Variants in LEMD2 observed in about 807,000 individuals in gnomAD.
The protein encoded by LEMD2 is LEM domain-containing protein 2.
A neutral mutation model predicts 58.8 loss-of-function variants in LEMD2; 34 were observed. That is an observed-to-expected ratio of 0.58 (90% CI 0.44 to 0.77). The LOEUF (loss-of-function observed/expected upper bound fraction) is 0.77, where lower values mean the gene tolerates loss of function less well. LEMD2 is among the 30% of genes least tolerant of loss of function. The pLI is 0.00. For synonymous variants in LEMD2, 298 were observed against 308.9 expected (o/e 0.96, Z 0.37); for missense variants, 629 against 717.9 (o/e 0.88, Z 1.42).
intron 3 of LEMD2, among the ~76,000 whole-genome samples, chr6:33,783,081 A>G (rs974098318): frequency 1.3e-5 from 2 of 152,230 alleles, no homozygotes; most frequent in African/African-American, 2.4e-5. Flanking sequence ...ACTCTGATTC[A>G]CTGGGTTTGG....
chr6:33,776,677 C>A, intron 8 of LEMD2: 2 of 468,342 alleles, frequency 4.3e-6, no homozygotes, highest in South Asian at 4.6e-5. Flanking sequence ...GCTGCTATTA[C>A]TTGGAGCCCA....
chr6:33,783,481 G>C (rs1767609141), intron 3 of LEMD2, among the ~76,000 whole-genome samples: 1 of 152,194 alleles, frequency 6.6e-6, no homozygotes, highest in Non-Finnish European at 1.5e-5. Flanking sequence ...ACAGGTAAGA[G>C]GCGCCTCTTG....
At position 33,772,473 on chromosome 6, in the gene LEMD2, T is replaced by A. The variant is rs1299405825; in HGVS notation, c.*155A>T. The A allele has an allele frequency of 8.6e-6, 6 of 699,962 alleles. No individual in the cohort carries two copies. Among genetic ancestry groups the A allele is most frequent in the Non-Finnish European group, 1.4e-5 (6 of 425,422 alleles). The allele number at this position is 699,962 out of a possible 1,614,324, so 43.4% of individuals were successfully genotyped here. A position where few individuals can be genotyped will look rare whatever the true frequency, so the allele number is the denominator to read the frequency against. On this transcript the variant is annotated 3_prime_UTR_variant, in exon 9 of 9. Coordinates refer to ENST00000293760, the MANE Select transcript of LEMD2 (RefSeq NM_181336.4). ...CACATTTTCCTGCGAGCCGAACTCCTCTGAAGAGTATGGCAGACCTTTGGA... is the reference window on the plus strand; with the variant it reads ...CACATTTTCCTGCGAGCCGAACTCCACTGAAGAGTATGGCAGACCTTTGGA...
In LEMD2 at chr6:33,788,981, C is replaced by T; in HGVS notation, c.136G>A (p.Asp46Asn). 1 of 1,542,964 alleles carries T rather than the reference C, an allele frequency of 6.5e-7. No individual in the cohort carries two copies. Among genetic ancestry groups the T allele is most frequent in the Non-Finnish European group, 8.7e-7 (1 of 1,152,674 alleles). The change falls in exon 1 of 9, where the codon GAC becomes AAC. Residue 46 changes from aspartate to asparagine, a missense_variant. Physicochemically the swap from Asp to Asn is conservative, Grantham distance 23. Around this residue, in one of 2 missense-constraint regions of LEMD2, gnomAD observed 386 missense variants for 381.1 expected, o/e 1.01. Coordinates refer to ENST00000293760, the MANE Select transcript of LEMD2 (RefSeq NM_181336.4). ...GCCTCCTCCCGCAGCCGCTCCTCGT[C>T]GCGCAGCCGGGCCTCGCCCCGCAGG... ...RRLRGEARLR[D>N]EERLREEARP...
intron 8 of LEMD2, among the ~76,000 whole-genome samples, chr6:33,775,007 C>T (rs563379021): frequency 2.0e-5 from 3 of 151,550 alleles, no homozygotes; most frequent in Admixed American, 6.6e-5. Context: ...ATAGTCTCTT[C>T]GTCACAGCCC....
chr6:33,776,831 G>T, intron 8 of LEMD2, 123 bp downstream of exon 8: 2 of 747,978 alleles, frequency 2.7e-6, no homozygotes, highest in Non-Finnish European at 2.3e-6. Flanking sequence ...AGCCACTCTT[G>T]GCCCTGGGGT....
chr6:33,781,001 C>A (rs933068362), intron 4 of LEMD2, 76 bp downstream of exon 4: 2 of 1,016,854 alleles, frequency 2.0e-6, no homozygotes, highest in Non-Finnish European at 1.5e-6. Context: ...AAAACAAAAA[C>A]CCCAACAGGG....
intron 6 of LEMD2, among the ~76,000 whole-genome samples, chr6:33,777,516 T>G (rs1353929024): frequency 1.3e-5 from 2 of 152,224 alleles, no homozygotes; most frequent in African/African-American, 4.8e-5. Context: ...TTCTGGGGCT[T>G]TCATCTCCTC....
At chr6:33,784,946 C>T (rs75874733) in intron 2 of LEMD2, among the ~76,000 whole-genome samples, 4,256 of 152,176 alleles carry the variant, frequency 0.028, 69 homozygotes, top group South Asian at 0.066. Context: ...GGATTCAGTG[C>T]GAACTCACAC....
At chr6:33,777,623 G>A (rs1483685203) in intron 6 of LEMD2, among the ~76,000 whole-genome samples, 2 of 152,168 alleles carry the variant, frequency 1.3e-5, no homozygotes, top group African/African-American at 4.8e-5. Flanking sequence ...TGTGCCTGAT[G>A]GCACAGGGGA....
At position 33,772,599 on chromosome 6, in the gene LEMD2, C is replaced by A. The variant is rs181417260; in HGVS notation, c.*29G>T. ...CTGGAGTGGGCTGTCCTGGGACAGG[C>A]TGACCGGGAACAAGTCCCCGCCCGG... On this transcript the variant is annotated 3_prime_UTR_variant, in exon 9 of 9. Coordinates refer to ENST00000293760, the MANE Select transcript of LEMD2 (RefSeq NM_181336.4). 5.3e-4 allele frequency: 846 copies of A among 1,602,428 alleles called. 6 individuals carry two copies. In the African/African-American group the frequency reaches 6.3e-3, roughly 12 times the overall value.
chr6:33,780,843 C>T (rs905671228), intron 4 of LEMD2, among the ~76,000 whole-genome samples: 2 of 152,230 alleles, frequency 1.3e-5, no homozygotes, highest in Admixed American at 1.3e-4. Flanking sequence ...GTGCAGCAGT[C>T]AGGAGTGAGC....
intron 8 of LEMD2, among the ~76,000 whole-genome samples, chr6:33,773,344 C>T (rs1413660749): frequency 6.6e-6 from 1 of 152,084 alleles, no homozygotes; most frequent in Non-Finnish European, 1.5e-5. Context: ...GGCCTTGCAC[C>T]CCCCTGGACA....
chr6:33,785,392 G>C (rs779002419), intron 2 of LEMD2, among the ~76,000 whole-genome samples: 5 of 152,144 alleles, frequency 3.3e-5, no homozygotes. Flanking sequence ...GGATATCTGC[G>C]TCTGAAGCCC....
chr6:33,788,953 C>T lies in LEMD2; in HGVS notation c.164G>A (p.Arg55Gln), dbSNP rs778991770. 5 of 1,519,576 alleles carry T rather than the reference C, an allele frequency of 3.3e-6. No individual in the cohort carries two copies. Among genetic ancestry groups the T allele is most frequent in the Admixed American group, 2.1e-5 (1 of 47,750 alleles). 94.1% of individuals were successfully genotyped at this position (1,519,576 alleles called of 1,614,324 possible). ...RDEERLREEA[R>Q]PRGEERLREE... ...CCGTAACCGCTCCTCGCCCCGCGGC[C>T]GGGCCTCCTCCCGCAGCCGCTCCTC... The change falls in exon 1 of 9, where the codon CGG (arginine) becomes CAG (glutamine). Residue 55 changes from arginine to glutamine, a missense_variant. Transcript: ENST00000293760.
At position 33,788,746 on chromosome 6, in the gene LEMD2, G is replaced by C; in HGVS notation, c.371C>G (p.Ala124Gly). 6.9e-7 allele frequency: 1 copy of C among 1,440,550 alleles called. No individual in the cohort carries two copies. Among genetic ancestry groups the C allele is most frequent in the Non-Finnish European group, 9.1e-7 (1 of 1,098,666 alleles). The allele number at this position is 1,440,550 out of a possible 1,614,324, so 89.2% of individuals were successfully genotyped here. ...WVGSRGLAYP[A>G]RPAQLRRRAS... ...GCGGCGCCTGAGTTGCGCCGGGCGG[G>C]CAGGATAGGCGAGGCCGCGGCTCCC... is the stretch of plus-strand genomic sequence containing the variant. The change falls in exon 1 of 9, where the codon GCC becomes GGC. Residue 124 changes from alanine to glycine, a missense_variant. Physicochemically the swap from Ala to Gly is moderately conservative, Grantham distance 60. Coordinates refer to ENST00000293760, the MANE Select transcript of LEMD2 (RefSeq NM_181336.4).
Position 33,778,102 on chromosome 6 carries a change from C to T in LEMD2, c.1156+140G>A. On this transcript the variant is annotated intron_variant, in intron 6 of 8. Transcript: ENST00000293760. This position sits in a 1 kb window ranked among gnomAD's most constrained non-coding sequence, Gnocchi z 4.7. ...CCAGGGCAGAGGCTGACTTGTTCAT[C>T]TCCTCTGTTTTATGAGACAGACCTC... 1.4e-6 allele frequency: 1 copy of T among 728,160 alleles called. No individual in the cohort carries two copies. The highest frequency in any genetic ancestry group is 3.3e-5 in the East Asian group (1 of 30,388). 45.1% of individuals were successfully genotyped at this position (728,160 alleles called of 1,614,324 possible).
chr6:33,785,878 C>A (rs1320508819), intron 2 of LEMD2, among the ~76,000 whole-genome samples: 1 of 152,200 alleles, frequency 6.6e-6, no homozygotes. Context: ...CACCCGAAGC[C>A]AAAGAGAAAT....
Position 33,778,257 on chromosome 6 carries a change from G to C in LEMD2, c.1141C>G (p.Leu381Val). The C allele has an allele frequency of 6.2e-7, 1 of 1,600,368 alleles. No homozygotes were observed. The highest frequency in any genetic ancestry group is 1.1e-5 in the South Asian group (1 of 89,328). Reference protein sequence around the residue: ...RALLTAVTNVLIFFWCLAFLW... With the variant: ...RALLTAVTNVVIFFWCLAFLW... Reference sequence around the variant, plus strand: ...GAGGACTTACACCAGAAGAAGATGAGCACGTTGGTGACAGCAGTGAGCAAG... The same window carrying C: ...GAGGACTTACACCAGAAGAAGATGACCACGTTGGTGACAGCAGTGAGCAAG... Residue 381 changes from leucine (L) to valine (V), a missense_variant, in exon 6 of 9, where the codon CTC becomes GTC. This residue lies in a region of LEMD2 where 243 missense variants were observed against 336.8 expected (regional missense o/e 0.72). Transcript: ENST00000293760. This position sits in a 1 kb window ranked among gnomAD's most constrained non-coding sequence, Gnocchi z 4.7.
Sources: allele counts gnomAD v4.1 joint callset (sites outside exome capture counted in the v4.1 genomes callset), GRCh38; gene constraint gnomAD v4.1.1; regional missense constraint gnomAD v4.1.1; non-coding constraint Gnocchi (gnomAD v3.1); transcripts MANE v1.5; gene names NCBI Gene and HGNC (gene_info 2026-07-23, HGNC 2026-07-21).